NRG1: variants seen among roughly 807,000 people sequenced by gnomAD.
NRG1 encodes pro-neuregulin-1, membrane-bound isoform.
In NRG1, 18 loss-of-function variants were observed where a neutral mutation model predicts 63.8. That is an observed-to-expected ratio of 0.28 (90% CI 0.19 to 0.42). NRG1 has a LOEUF of 0.42. Among genes scored for constraint, NRG1 ranks in the 10% least tolerant of loss-of-function variants. The pLI is 1.00. For missense variants in NRG1, 762 were observed against 814.7 expected, an observed-to-expected ratio of 0.94 and a Z score of 0.79; for synonymous variants, 302 against 301.3, an observed-to-expected ratio of 1.00 and a Z score of -0.02.
rs138037981 is a variant in NRG1 at position 32,064,729 on chromosome 8, T to C, written c.37+425298T>C. On this transcript the variant is annotated intron_variant, in intron 1 of 10. Transcript: ENST00000519301. ...TTGGGGGAAATGACTCATTTACTTA[T>C]AAGCTATACCTGTCAGCTTCCCTTT... Among the ~76,000 whole-genome samples, 942 of 152,308 alleles carry C rather than the reference T, an allele frequency of 6.2e-3. 11 individuals are homozygous for C. Among genetic ancestry groups the C allele is most frequent in the African/African-American group, 0.022 (904 of 41,576 alleles).
At chr8:32,618,767 A>G (rs749904478) in intron 5 of NRG1, among the ~76,000 whole-genome samples, 2 of 152,206 alleles carry the variant, frequency 1.3e-5, no homozygotes, top group African/African-American at 2.4e-5. Context: ...AGAAGGTGCT[A>G]CGTAGTCCAA....
chr8:32,161,812 TCAGA>T (rs1391648132), intron 1 of NRG1, among the ~76,000 whole-genome samples: 1 of 152,180 alleles, frequency 6.6e-6, no homozygotes, highest in East Asian at 1.9e-4. Context: ...CTGACGTTGT[TCAGA>T]CAGTGTTCTG....
chr8:32,405,571 T>TC (rs1401393737), intron 1 of NRG1, among the ~76,000 whole-genome samples: 8 of 152,308 alleles, frequency 5.3e-5, no homozygotes, highest in Admixed American at 3.3e-4. Flanking sequence ...CTCTTTTTTT[T>TC]CTCTCCAAAC....
intron 1 of NRG1, among the ~76,000 whole-genome samples, chr8:32,422,107 C>A (rs1816766461): frequency 6.6e-6 from 1 of 151,866 alleles, no homozygotes; most frequent in South Asian, 2.1e-4. Flanking sequence ...ATCCACATAA[C>A]AGAACTGCAC....
intron 1 of NRG1, among the ~76,000 whole-genome samples, chr8:31,938,210 C>A (rs1801216805): frequency 6.6e-6 from 1 of 152,178 alleles, no homozygotes; most frequent in Non-Finnish European, 1.5e-5. Flanking sequence ...AGCTGCAAGA[C>A]CTGAAGAGGG....
At chr8:31,934,680 A>G (rs1285757920) in intron 1 of NRG1, among the ~76,000 whole-genome samples, 1 of 152,144 alleles carries the variant, frequency 6.6e-6, no homozygotes, top group African/African-American at 2.4e-5. Flanking sequence ...AATTACACAT[A>G]TATTGACTGA....
At chr8:31,838,131 A>C (rs1438009982) in intron 1 of NRG1, among the ~76,000 whole-genome samples, 1 of 152,016 alleles carries the variant, frequency 6.6e-6, no homozygotes, top group Admixed American at 6.6e-5. Flanking sequence ...TCGCCAGCAT[A>C]ATAACGATTT....
chr8:32,219,807 C>T (rs890588225), intron 1 of NRG1, among the ~76,000 whole-genome samples: 2 of 152,168 alleles, frequency 1.3e-5, no homozygotes, highest in Non-Finnish European at 2.9e-5. Flanking sequence ...TAGTCAAAGC[C>T]ATGTCTAAAA....
chr8:32,330,081 A>AAAAAAT (rs1563322139), intron 1 of NRG1, among the ~76,000 whole-genome samples: 2 of 125,038 alleles, frequency 1.6e-5, no homozygotes, highest in African/African-American at 3.1e-5. Context: ...AAAAAAAAAA[A>AAAAAAT]GTGTGTAGGG....
intron 1 of NRG1, among the ~76,000 whole-genome samples, chr8:32,494,885 A>T (rs950365775): frequency 2.0e-5 from 3 of 152,190 alleles, no homozygotes; most frequent in African/African-American, 7.2e-5. Flanking sequence ...ATGCGTCATA[A>T]AGTCACAAAA....
chr8:32,689,823 C>T (rs1449962015), intron 5 of NRG1, among the ~76,000 whole-genome samples: 1 of 152,086 alleles, frequency 6.6e-6, no homozygotes, highest in Non-Finnish European at 1.5e-5. Flanking sequence ...GAAACCCTGA[C>T]AAAGTATGGA....
chr8:32,359,430 G>C (rs1806931187), intron 1 of NRG1, among the ~76,000 whole-genome samples: 1 of 152,172 alleles, frequency 6.6e-6, no homozygotes. Context: ...TCATAGATAA[G>C]ACTAGAACAA....
At chr8:32,532,276 A>C (rs1435760380) in intron 1 of NRG1, among the ~76,000 whole-genome samples, 1 of 152,218 alleles carries the variant, frequency 6.6e-6, no homozygotes, top group Admixed American at 6.5e-5. Flanking sequence ...CCATTTACTT[A>C]TAAATCAGAA....
intron 1 of NRG1, among the ~76,000 whole-genome samples, chr8:32,314,202 ATT>A (rs1201011867): frequency 2.0e-5 from 3 of 151,146 alleles, no homozygotes; most frequent in African/African-American, 7.3e-5. Flanking sequence ...AAAAAAAAAA[ATT>A]CTTCTTCGGG....
intron 1 of NRG1, among the ~76,000 whole-genome samples, chr8:32,563,982 A>G (rs2129527425): frequency 6.6e-6 from 1 of 152,278 alleles, no homozygotes; most frequent in Middle Eastern, 3.4e-3. Flanking sequence ...TCCTCTCGAT[A>G]AAATGAGTAT....
chr8:32,284,972 AT>A (rs1853357088), intron 1 of NRG1, among the ~76,000 whole-genome samples: 1 of 152,106 alleles, frequency 6.6e-6, no homozygotes, highest in South Asian at 2.1e-4. Context: ...GGTGGATAAC[AT>A]TTTCCTTTGC....
intron 5 of NRG1, among the ~76,000 whole-genome samples, chr8:32,712,285 A>G (rs7014535): frequency 0.085 from 12,919 of 151,986 alleles, 583 homozygotes; most frequent in Middle Eastern, 0.095. Flanking sequence ...GTTAATTTCC[A>G]TTTTTCCATT....
intron 1 of NRG1, among the ~76,000 whole-genome samples, chr8:31,988,145 T>C (rs1445815004): frequency 2.0e-5 from 3 of 152,134 alleles, no homozygotes; most frequent in Non-Finnish European, 4.4e-5. Flanking sequence ...AACACTAGGA[T>C]TGTGAAACCT....
At chr8:32,486,676 G>A (rs1281037956) in intron 1 of NRG1, among the ~76,000 whole-genome samples, 1 of 146,194 alleles carries the variant, frequency 6.8e-6, no homozygotes, top group African/African-American at 2.6e-5. Context: ...CCAGGCTGGA[G>A]TGCAGTGGCA....
Sources: allele counts gnomAD v4.1 joint callset (sites outside exome capture counted in the v4.1 genomes callset), GRCh38; gene constraint gnomAD v4.1.1; transcripts MANE v1.5; gene names NCBI Gene and HGNC (gene_info 2026-07-23, HGNC 2026-07-21).